The following CSMD1 variants were observed in gnomAD, a reference collection of about 807,000 sequenced individuals.
CSMD1 encodes CUB and sushi domain-containing protein 1.
In CSMD1, 213 loss-of-function variants were observed where a neutral mutation model predicts 417.5. The ratio of observed to expected loss-of-function variants is 0.51; its 90% CI spans 0.46 to 0.57. The LOEUF (loss-of-function observed/expected upper bound fraction) is 0.57. Ranked by LOEUF, CSMD1 falls within the 20% of genes least tolerant of loss-of-function variation. The pLI is 0.00. For missense variants in CSMD1, 6,923 were observed against 4,529.7 expected, an observed-to-expected ratio of 1.53 and a Z score of -15.17; for synonymous variants, 2,862 against 1,736.8, an observed-to-expected ratio of 1.65 and a Z score of -16.11.
intron 8 of CSMD1, among the ~76,000 whole-genome samples, chr8:3,615,435 A>G (rs1802087389): frequency 6.6e-6 from 1 of 152,176 alleles, no homozygotes; most frequent in Non-Finnish European, 1.5e-5. Context: ...AAGAAATTTC[A>G]TCTCAAGCTC....
intron 1 of CSMD1, among the ~76,000 whole-genome samples, chr8:4,743,632 T>G (rs1009470226): frequency 5.9e-5 from 9 of 152,180 alleles, no homozygotes; most frequent in African/African-American, 2.2e-4. Context: ...TACAAGTTGC[T>G]TTTCCAATTT....
chr8:3,972,681 G>A (rs999798073), intron 5 of CSMD1, among the ~76,000 whole-genome samples: 2 of 152,310 alleles, frequency 1.3e-5, no homozygotes, highest in East Asian at 1.9e-4. Flanking sequence ...ACCAGTGTTA[G>A]CATGGATATT....
chr8:4,892,196 A>G (rs1403799099), intron 1 of CSMD1, among the ~76,000 whole-genome samples: 1 of 152,142 alleles, frequency 6.6e-6, no homozygotes, highest in Non-Finnish European at 1.5e-5. Flanking sequence ...CAACTTTTCA[A>G]GATTCTTTCA....
chr8:4,334,841 T>G (rs1466008061), intron 3 of CSMD1, among the ~76,000 whole-genome samples: 1 of 152,028 alleles, frequency 6.6e-6, no homozygotes. Context: ...GAAAAGACAT[T>G]TATTTCTCAT....
rs534129136 is a variant in CSMD1, at chr8:3,351,472, G to A, written c.3305-3311C>T. ...CTAAAAATACAAAAATTAGCTAGGC[G>A]TGGTGGCACATGCCTGTAATCCCAG... On this transcript the variant is annotated intron_variant, in intron 21 of 69. Coordinates refer to ENST00000635120, the MANE Select transcript of CSMD1 (RefSeq NM_033225.6). Among the ~76,000 whole-genome samples, 192 of 151,798 alleles carry A rather than the reference G, an allele frequency of 1.3e-3. 2 individuals carry two copies. Among genetic ancestry groups the A allele is most frequent in the African/African-American group, 4.4e-3 (183 of 41,416 alleles).
At chr8:3,869,380 G>T (rs550918522) in intron 5 of CSMD1, among the ~76,000 whole-genome samples, 4 of 152,122 alleles carry the variant, frequency 2.6e-5, no homozygotes, top group African/African-American at 9.7e-5. Context: ...CATAGAGACT[G>T]ATAGGTCTAT....
chr8:3,747,976 T>C (rs1164931497), intron 6 of CSMD1, among the ~76,000 whole-genome samples: 1 of 152,134 alleles, frequency 6.6e-6, no homozygotes, highest in Non-Finnish European at 1.5e-5. Context: ...AAGTCCACCA[T>C]GGTTCTCCAA....
At chr8:4,466,270 A>G (rs1009377044) in intron 2 of CSMD1, among the ~76,000 whole-genome samples, 5 of 152,126 alleles carry the variant, frequency 3.3e-5, no homozygotes, top group Non-Finnish European at 7.4e-5. Context: ...GTGGAAGAAT[A>G]AGCTTGATGA....
At chr8:3,950,926 A>G (rs1297580544) in intron 5 of CSMD1, among the ~76,000 whole-genome samples, 2 of 152,214 alleles carry the variant, frequency 1.3e-5, no homozygotes, top group African/African-American at 4.8e-5. Flanking sequence ...AATATTCATA[A>G]TAAGCCCTGA....
chr8:3,316,865 C>A (rs1481532912), intron 23 of CSMD1, among the ~76,000 whole-genome samples: 1 of 152,010 alleles, frequency 6.6e-6, no homozygotes, highest in Non-Finnish European at 1.5e-5. Context: ...GAGAGATAAT[C>A]AGAAGCAATG....
intron 2 of CSMD1, among the ~76,000 whole-genome samples, chr8:4,524,013 C>T (rs893205399): frequency 6.6e-6 from 1 of 152,054 alleles, no homozygotes; most frequent in Non-Finnish European, 1.5e-5. Flanking sequence ...GGTTTTGGAT[C>T]TCCAACATTA....
chr8:3,663,405 G>A (rs1300436152), intron 7 of CSMD1, among the ~76,000 whole-genome samples: 1 of 152,076 alleles, frequency 6.6e-6, no homozygotes, highest in Non-Finnish European at 1.5e-5. Flanking sequence ...CTGCTTTTAA[G>A]ACATGTGGAC....
intron 3 of CSMD1, among the ~76,000 whole-genome samples, chr8:4,300,000 A>G (rs1797894011): frequency 6.6e-6 from 1 of 152,230 alleles, no homozygotes; most frequent in Non-Finnish European, 1.5e-5. Context: ...CTTTGTAGAA[A>G]GCATAAATCT....
chr8:3,162,084 A>G (rs1819931085), intron 38 of CSMD1, 75 bp downstream of exon 38: 12 of 907,156 alleles, frequency 1.3e-5, no homozygotes, highest in Non-Finnish European at 1.8e-5. Flanking sequence ...GTACAAAGTG[A>G]GGGCTTTGGC....
In CSMD1 at chr8:2,949,344, C is replaced by A; in HGVS notation, c.10357G>T (p.Asp3453Tyr). ...LERGGFTFQG[D>Y]IHGKDFGKFK... ...TTTCCAAAGTCTTTTCCATGAATGT[C>A]ACCTTGAAAAGTAAATCCTCCTCTT... The change falls in exon 68 of 70, where the codon GAC becomes TAC. Residue 3453 changes from aspartate to tyrosine, a missense_variant. Physicochemically the swap from Asp to Tyr is radical, Grantham distance 160. Transcript: ENST00000635120. The A allele has an allele frequency of 6.2e-7, 1 of 1,607,930 alleles. No individual in the cohort carries two copies.
chr8:4,243,945 A>G (rs762828275), intron 3 of CSMD1, among the ~76,000 whole-genome samples: 1 of 152,178 alleles, frequency 6.6e-6, no homozygotes, highest in African/African-American at 2.4e-5. Flanking sequence ...TCCTCCAACT[A>G]CAATCATCAG....
intron 1 of CSMD1, among the ~76,000 whole-genome samples, chr8:4,656,373 A>T (rs1804231446): frequency 6.6e-6 from 1 of 152,056 alleles, no homozygotes; most frequent in Admixed American, 6.5e-5. Flanking sequence ...TTGCCATGAT[A>T]TTCAGATTTT....
rs562209816 is a variant in CSMD1, at chr8:3,106,690, G to A, written c.6836-49C>T. 10 of 1,055,846 alleles carry A rather than the reference G, an allele frequency of 9.5e-6. 1 individual carries two copies. The South Asian group carries it at 1.3e-4, about 13-fold the overall frequency. The allele number at this position is 1,055,846 out of a possible 1,614,324, so 65.4% of individuals were successfully genotyped here. A position where few individuals can be genotyped will look rare whatever the true frequency, so the allele number is the denominator to read the frequency against. ...CAGGAAATTGTGTGTGACCTTCTGAGTGTGTGAAGGTGTGACACATGTAGG... is the reference window on the plus strand; with the variant it reads ...CAGGAAATTGTGTGTGACCTTCTGAATGTGTGAAGGTGTGACACATGTAGG... On this transcript the variant is annotated intron_variant, in intron 45 of 69. Coordinates refer to ENST00000635120, the MANE Select transcript of CSMD1 (RefSeq NM_033225.6).
At chr8:3,302,385 C>T (rs979756266) in intron 25 of CSMD1, among the ~76,000 whole-genome samples, 1 of 152,146 alleles carries the variant, frequency 6.6e-6, no homozygotes, top group Admixed American at 6.5e-5. Context: ...GGCTGAGTTT[C>T]CCTGGCTGCC....
Sources: gnomAD v4.1 joint callset for allele counts (sites outside exome capture counted in the v4.1 genomes callset) on GRCh38, gnomAD v4.1.1 for gene constraint, MANE v1.5 for transcripts, NCBI Gene and HGNC (gene_info 2026-07-23, HGNC 2026-07-21) for gene names.